RAD51B: variants seen among roughly 807,000 people sequenced by gnomAD.
RAD51B encodes DNA repair protein RAD51 homolog 2.
Under a neutral mutation model 42.2 loss-of-function variants are expected in RAD51B, and 38 were observed. That is an observed-to-expected ratio of 0.90 (90% CI 0.70 to 1.18). RAD51B has a LOEUF of 1.18. Ranked by LOEUF, RAD51B falls within the 50% of genes most tolerant of loss-of-function variation. The pLI is 0.00. For synonymous variants in RAD51B, 154 were observed against 145.2 expected (o/e 1.06, Z -0.43); for missense variants, 373 against 400.7 (o/e 0.93, Z 0.59).
chr14:68,415,323 A>G (rs1049623147), intron 9 of RAD51B, among the ~76,000 whole-genome samples: 1 of 152,158 alleles, frequency 6.6e-6, no homozygotes, highest in Non-Finnish European at 1.5e-5. Flanking sequence ...AACAAACAGG[A>G]GGATAGGCTG....
intron 10 of RAD51B, among the ~76,000 whole-genome samples, chr14:68,646,809 T>C (rs1595045072): frequency 6.6e-6 from 1 of 152,230 alleles, no homozygotes; most frequent in South Asian, 2.1e-4. Context: ...GCTTCAGCTA[T>C]ATTTGATGAA....
chr14:68,559,140 A>C (rs1889014534), intron 10 of RAD51B, among the ~76,000 whole-genome samples: 1 of 151,730 alleles, frequency 6.6e-6, no homozygotes, highest in Admixed American at 6.6e-5. Flanking sequence ...TATACACACA[A>C]AAAAACCTGT....
chr14:68,424,872 T>C (rs1363329238), intron 9 of RAD51B, among the ~76,000 whole-genome samples: 2 of 152,074 alleles, frequency 1.3e-5, no homozygotes, highest in Non-Finnish European at 2.9e-5. Context: ...ACTCCTGAGC[T>C]CAAGCAATTC....
intron 7 of RAD51B, among the ~76,000 whole-genome samples, chr14:67,960,908 A>T (rs368709469): frequency 6.6e-6 from 1 of 152,080 alleles, no homozygotes; most frequent in Non-Finnish European, 1.5e-5. Context: ...GCCTCAAGCA[A>T]TCCTCCCTTC....
At chr14:68,246,766 A>C (rs1408999891) in intron 7 of RAD51B, among the ~76,000 whole-genome samples, 2 of 152,218 alleles carry the variant, frequency 1.3e-5, no homozygotes, top group Non-Finnish European at 2.9e-5. Context: ...CATTGTTAAA[A>C]ATATTACTAA....
chr14:68,472,532 A>G (rs1479731422), intron 10 of RAD51B, among the ~76,000 whole-genome samples: 2 of 152,202 alleles, frequency 1.3e-5, no homozygotes, highest in Non-Finnish European at 2.9e-5. Flanking sequence ...TTCCTCAGGG[A>G]TCTGGGGAGG....
chr14:68,610,358 C>A (rs1001016324), intron 10 of RAD51B, among the ~76,000 whole-genome samples: 8 of 152,232 alleles, frequency 5.3e-5, no homozygotes, highest in African/African-American at 2.4e-5. Flanking sequence ...TCCTTCTCCT[C>A]CCTGGACCTT....
intron 11 of RAD51B, among the ~76,000 whole-genome samples, chr14:68,660,330 G>A (rs1419636236): frequency 1.3e-5 from 2 of 152,218 alleles, no homozygotes; most frequent in Non-Finnish European, 2.9e-5. Context: ...GTGGATTTGA[G>A]ATTTTTGCAA....
chr14:68,496,410 G>A (rs962797756), intron 10 of RAD51B, among the ~76,000 whole-genome samples: 1 of 152,192 alleles, frequency 6.6e-6, no homozygotes, highest in African/African-American at 2.4e-5. Flanking sequence ...GGGCCAATGT[G>A]GATGCTGTGC....
intron 9 of RAD51B, among the ~76,000 whole-genome samples, chr14:68,449,476 T>A (rs1338058655): frequency 6.6e-6 from 1 of 152,210 alleles, no homozygotes; most frequent in Non-Finnish European, 1.5e-5. Context: ...TTGAGCTTTT[T>A]TCTTAAGATC....
rs1417368597 is a variant in RAD51B, at chr14:67,921,576, C to T, written c.756+34372C>T. The stretch of plus-strand genomic sequence containing the variant: ...TGTACATATGTGCACATCACACACA[C>T]ACACACACACACACACACACACACA... On this transcript the variant is annotated intron_variant, in intron 7 of 10. Transcript: ENST00000471583. Among the ~76,000 whole-genome samples the T allele has an allele frequency of 2.7e-5, 3 of 112,910 alleles. No individual in the cohort carries two copies. The East Asian group carries it at 6.9e-4, about 26-fold the overall frequency. 74.1% of individuals were successfully genotyped at this position (112,910 alleles called of 152,430 possible).
chr14:68,651,082 G>T (rs1176100937), intron 11 of RAD51B, among the ~76,000 whole-genome samples: 1 of 152,204 alleles, frequency 6.6e-6, no homozygotes, highest in East Asian at 1.9e-4. Context: ...GTGAAATTAA[G>T]ATCAGTATAT....
At chr14:68,437,053 G>T (rs1355132962) in intron 9 of RAD51B, among the ~76,000 whole-genome samples, 2 of 152,120 alleles carry the variant, frequency 1.3e-5, no homozygotes, top group East Asian at 3.8e-4. Flanking sequence ...CCAGTACTAT[G>T]TTGAATAGGA....
chr14:68,567,191 C>T (rs568453779), intron 10 of RAD51B, among the ~76,000 whole-genome samples: 3 of 152,070 alleles, frequency 2.0e-5, no homozygotes, highest in Admixed American at 6.5e-5. Flanking sequence ...CCTAGCTACT[C>T]GGGAGGCTGA....
chr14:68,135,496 A>G (rs561784088), intron 7 of RAD51B, among the ~76,000 whole-genome samples: 1 of 152,336 alleles, frequency 6.6e-6, no homozygotes, highest in South Asian at 2.1e-4. Context: ...GTTCAGGGTT[A>G]TAATGGGGAA....
intron 7 of RAD51B, among the ~76,000 whole-genome samples, chr14:68,259,417 G>A (rs532931343): frequency 5.9e-5 from 9 of 151,896 alleles, no homozygotes; most frequent in African/African-American, 1.4e-4. Flanking sequence ...AAACCTGCAC[G>A]TTGTGCACAT....
intron 7 of RAD51B, among the ~76,000 whole-genome samples, chr14:68,290,024 C>A (rs1057368128): frequency 1.3e-5 from 2 of 152,140 alleles, no homozygotes; most frequent in Non-Finnish European, 2.9e-5. Context: ...CTGACCTTGC[C>A]GTCCCGGTCC....
intron 8 of RAD51B, among the ~76,000 whole-genome samples, chr14:68,333,683 T>C (rs1473204498): frequency 1.3e-5 from 2 of 152,222 alleles, no homozygotes; most frequent in Admixed American, 6.5e-5. Context: ...TACGTTATAA[T>C]CATATACAAC....
At chr14:68,375,828 T>C (rs1383784674) in intron 8 of RAD51B, among the ~76,000 whole-genome samples, 1 of 152,142 alleles carries the variant, frequency 6.6e-6, no homozygotes, top group Non-Finnish European at 1.5e-5. Context: ...ATAGGATTTT[T>C]GAAATGTTGT....
Sources: gnomAD v4.1 joint callset for allele counts (sites outside exome capture counted in the v4.1 genomes callset) on GRCh38, gnomAD v4.1.1 for gene constraint, MANE v1.5 for transcripts, NCBI Gene and HGNC (gene_info 2026-07-23, HGNC 2026-07-21) for gene names.